DMBT1: variants seen among roughly 807,000 people sequenced by gnomAD.
DMBT1 encodes the protein deleted in malignant brain tumors 1.
DMBT1 carries 198 observed loss-of-function variants against 252.9 expected under a neutral mutation model. The ratio of observed to expected loss-of-function variants is 0.78; its 90% CI spans 0.70 to 0.88. DMBT1 has a LOEUF of 0.88. Ranked by LOEUF, DMBT1 falls within the 40% of genes least tolerant of loss-of-function variation. The pLI, the probability that DMBT1 is intolerant of heterozygous loss-of-function variation, is 0.00. For synonymous variants in DMBT1, 990 were observed against 942.7 expected (o/e 1.05, Z -0.92); for missense variants, 2,432 against 2,404.7 (o/e 1.01, Z -0.24).
chr10:122,598,640 A>T (rs986944878), intron 25 of DMBT1, 134 bp from the exon 26 acceptor site: 2 of 1,538,588 alleles, frequency 1.3e-6, no homozygotes, highest in African/African-American at 2.8e-5. Context: ...TGAATCTCTG[A>T]TTTTATTCAT....
At chr10:122,637,091 G>C in intron 53 of DMBT1, 37 bp from the exon 54 acceptor site, 7 of 1,594,122 alleles carry the variant, frequency 4.4e-6, no homozygotes, top group Non-Finnish European at 5.1e-6. Flanking sequence ...GGAGTCTGGG[G>C]CAGTGACTGA....
At chr10:122,564,203 G>C (rs1000409550) in intron 1 of DMBT1, among the ~76,000 whole-genome samples, 6 of 152,208 alleles carry the variant, frequency 3.9e-5, no homozygotes, top group African/African-American at 7.2e-5. Context: ...GGCAGGTGAA[G>C]ATGTTCTCTG....
intron 1 of DMBT1, among the ~76,000 whole-genome samples, chr10:122,562,452 A>G (rs1350394864): frequency 3.9e-5 from 6 of 152,124 alleles, no homozygotes; most frequent in South Asian, 4.1e-4. Flanking sequence ...ACTGGGGGCC[A>G]CCAGGCCCAG....
chr10:122,617,509 C>T (rs369381639), intron 40 of DMBT1, among the ~76,000 whole-genome samples: 39 of 151,596 alleles, frequency 2.6e-4, no homozygotes, highest in Admixed American at 9.2e-4. Context: ...GTGCTCAGGA[C>T]GAGCACTGGA....
chr10:122,569,406 ACTT>A (rs764855452), intron 2 of DMBT1, among the ~76,000 whole-genome samples: 4 of 152,186 alleles, frequency 2.6e-5, no homozygotes, highest in Admixed American at 2.0e-4. Context: ...GGAAAAGAGA[ACTT>A]CTCCTGGACC....
intron 46 of DMBT1, among the ~76,000 whole-genome samples, chr10:122,626,567 C>T (rs2098120473): frequency 6.6e-6 from 1 of 152,110 alleles, no homozygotes; most frequent in African/African-American, 2.4e-5. Context: ...ATTGTAGTGC[C>T]TGGTACATAG....
At chr10:122,631,772 T>C (rs2098167126) in intron 49 of DMBT1, 83 bp from the exon 50 acceptor site, 4 of 1,501,964 alleles carry the variant, frequency 2.7e-6, no homozygotes, top group East Asian at 2.3e-5. Context: ...TTATGGGCCA[T>C]GTAAGTGTAT....
At chr10:122,620,314 C>T (rs1180784642) in intron 43 of DMBT1, 23 bp downstream of exon 43, 1 of 1,613,400 alleles carries the variant, frequency 6.2e-7, no homozygotes, top group Non-Finnish European at 8.5e-7. Flanking sequence ...CTCGCCCCTC[C>T]CTAGGGCTCA....
chr10:122,579,934 G>T (rs1184599576), intron 10 of DMBT1, 33 bp downstream of exon 10: 2 of 1,613,394 alleles, frequency 1.2e-6, no homozygotes, highest in Non-Finnish European at 1.7e-6. Context: ...TCACTCTCTT[G>T]GGGTGGAGTT....
rs368089567 is a variant in DMBT1, at chr10:122,576,401, T to C, written c.286T>C (p.Ser96Pro). The change falls in exon 7 of 56, where the codon TCT becomes CCT. Residue 96 changes from serine (S) to proline (P), a missense_variant and splice_region_variant. Coordinates refer to ENST00000338354, the MANE Select transcript of DMBT1 (RefSeq NM_001377530.1). ...STLESTVAEG[S>P]DSGLALRLVN... ...AGAAATTCTGTGCCTTCCTCTAGGA[T>C]CTGATTCTGGTTTGGCCCTGAGGCT... The C allele has an allele frequency of 2.0e-5, 32 of 1,613,722 alleles. No individual in the cohort carries two copies. The highest frequency in any genetic ancestry group is 2.6e-5 in the Non-Finnish European group (31 of 1,179,722).
At chr10:122,567,759 C>T (rs1355085639) in intron 2 of DMBT1, among the ~76,000 whole-genome samples, 1 of 152,122 alleles carries the variant, frequency 6.6e-6, no homozygotes, top group African/African-American at 2.4e-5. Context: ...TGGCCAGCTC[C>T]ATGGTGGGAA....
intron 24 of DMBT1, 56 bp from the exon 25 acceptor site, chr10:122,597,918 T>C (rs2097898803): frequency 1.9e-6 from 3 of 1,613,090 alleles, no homozygotes; most frequent in Admixed American, 1.7e-5. Flanking sequence ...ACCTTTCCTT[T>C]TGGAGATTTT....
chr10:122,642,546 G>C (rs372148037), intron 55 of DMBT1, among the ~76,000 whole-genome samples: 1 of 152,138 alleles, frequency 6.6e-6, no homozygotes, highest in African/African-American at 2.4e-5. Context: ...GGTTTATATC[G>C]GTATAGGGGC....
rs767199076 is a variant in DMBT1 at position 122,591,467 on chromosome 10, T to G, written c.2138-12T>G. Reference sequence around the variant, plus strand: ...CTTTAATTCTAGCCTTTGTCTTTGTTGCAATTTACAGACACGTTGTCGACC... The same window carrying G: ...CTTTAATTCTAGCCTTTGTCTTTGTGGCAATTTACAGACACGTTGTCGACC... On this transcript the variant is annotated splice_polypyrimidine_tract_variant and intron_variant, in intron 18 of 55. Transcript: ENST00000338354. 2.8e-5 allele frequency: 45 copies of G among 1,585,996 alleles called. 8 individuals are homozygous for G. In the East Asian group the frequency reaches 3.8e-4, roughly 13 times the overall value.
At chr10:122,636,529 C>T (rs1170941876) in intron 53 of DMBT1, among the ~76,000 whole-genome samples, 3 of 152,222 alleles carry the variant, frequency 2.0e-5, no homozygotes, top group Non-Finnish European at 4.4e-5. Context: ...ACCTTGTGAC[C>T]TTCTCAGAGT....
chr10:122,624,486 C>T (rs1490718883), intron 44 of DMBT1, among the ~76,000 whole-genome samples: 2 of 152,216 alleles, frequency 1.3e-5, no homozygotes, highest in Non-Finnish European at 2.9e-5. Context: ...CTCAGATCCT[C>T]TTCCTTTAGG....
chr10:122,563,210 C>T (rs74357656), intron 1 of DMBT1, among the ~76,000 whole-genome samples: 1 of 152,282 alleles, frequency 6.6e-6, no homozygotes, highest in East Asian at 1.9e-4. Context: ...CCAGCAATGC[C>T]CCTCCTCTGC....
intron 7 of DMBT1, among the ~76,000 whole-genome samples, chr10:122,577,542 G>A (rs2097723332): frequency 6.6e-6 from 1 of 152,190 alleles, no homozygotes; most frequent in Non-Finnish European, 1.5e-5. Context: ...CTCCCTGGGT[G>A]TTGATACCGA....
chr10:122,572,358 G>A lies in DMBT1; in HGVS notation c.232G>A (p.Glu78Lys), dbSNP rs568770781. 9 of 1,613,042 alleles carry A rather than the reference G, an allele frequency of 5.6e-6. No homozygotes were observed. In the East Asian group the frequency reaches 2.0e-4, roughly 36 times the overall value. Reference sequence around the variant, plus strand: ...GTCAACCCTGGAGTCAACCGTAGCAGAAGGTAACGTCTACTATGGGGGAGC... The same window carrying A: ...GTCAACCCTGGAGTCAACCGTAGCAAAAGGTAACGTCTACTATGGGGGAGC... ...LESTLESTVA[E>K]GSLIPSESTL... is the part of the protein sequence containing the mutation. The change falls in exon 5 of 56, where the codon GAA becomes AAA. Residue 78 changes from glutamate to lysine, a missense_variant. Transcript: ENST00000338354.
Sources: allele counts gnomAD v4.1 joint callset (sites outside exome capture counted in the v4.1 genomes callset), GRCh38; gene constraint gnomAD v4.1.1; transcripts MANE v1.5; gene names NCBI Gene and HGNC (gene_info 2026-07-23, HGNC 2026-07-21).